The following NAP1L4 variants were observed in gnomAD, a reference collection of about 807,000 sequenced individuals.
NAP1L4 encodes the protein nucleosome assembly protein 1 like 4, also known as nucleosome assembly protein 1-like 4.
NAP1L4 carries 15 observed loss-of-function variants against 58.2 expected under a neutral mutation model. That is an observed-to-expected ratio of 0.26 (90% CI 0.17 to 0.40). The LOEUF (loss-of-function observed/expected upper bound fraction) is 0.40. Among genes scored for constraint, NAP1L4 ranks in the 10% least tolerant of loss-of-function variants. The pLI, the probability that NAP1L4 is intolerant of heterozygous loss-of-function variation, is 1.00. For synonymous variants in NAP1L4, 171 were observed against 155.6 expected (o/e 1.10, Z -0.74); for missense variants, 384 against 451.1 (o/e 0.85, Z 1.35).
At chr11:2,957,233 A>G (rs1350896870) in intron 10 of NAP1L4, among the ~76,000 whole-genome samples, 1 of 152,228 alleles carries the variant, frequency 6.6e-6, no homozygotes, top group Non-Finnish European at 1.5e-5. Context: ...GACAATCTCC[A>G]GTATGCCCAA....
chr11:2,947,374 C>T (rs975476430), intron 15 of NAP1L4, among the ~76,000 whole-genome samples: 4 of 152,204 alleles, frequency 2.6e-5, no homozygotes, highest in African/African-American at 7.2e-5. Context: ...CTCTCAAGAC[C>T]GGTGTCATGA....
intron 6 of NAP1L4, among the ~76,000 whole-genome samples, chr11:2,970,846 C>CTA: frequency 6.2e-5 from 3 of 48,740 alleles, no homozygotes; most frequent in Non-Finnish European, 1.0e-4. Flanking sequence ...TCATCATATA[C>CTA]CACCCCCCCC....
At chr11:2,960,762 T>C (rs1220638781) in intron 8 of NAP1L4, among the ~76,000 whole-genome samples, 2 of 152,248 alleles carry the variant, frequency 1.3e-5, no homozygotes, top group Non-Finnish European at 2.9e-5. Context: ...GAATTTGTTC[T>C]ATTTGAGAAA....
chr11:2,987,029 T>C (rs1848675370), intron 1 of NAP1L4, among the ~76,000 whole-genome samples: 1 of 152,118 alleles, frequency 6.6e-6, no homozygotes, highest in African/African-American at 2.4e-5. Context: ...TGGGCACAAG[T>C]TCAAATCCTC....
At chr11:2,956,982 T>C (rs186525316) in intron 10 of NAP1L4, among the ~76,000 whole-genome samples, 69 of 152,254 alleles carry the variant, frequency 4.5e-4, no homozygotes, top group Middle Eastern at 3.4e-3. Context: ...TTACATACCA[T>C]TAAAAGGCAT....
At position 2,959,990 on chromosome 11, in the gene NAP1L4, C is replaced by A. The variant is rs1846765832; in HGVS notation, c.607-81G>T. ...GATTGCTTGGAGTACACAACACTTACTAGAAGCTATTTTGGGAAAGCTCAA... is the reference window on the plus strand; with the variant it reads ...GATTGCTTGGAGTACACAACACTTAATAGAAGCTATTTTGGGAAAGCTCAA... On this transcript the variant is annotated intron_variant, in intron 8 of 15. Coordinates refer to ENST00000380542, the MANE Select transcript of NAP1L4 (RefSeq NM_005969.4). This position sits in a 1 kb window ranked among gnomAD's most constrained non-coding sequence, Gnocchi z 4.9. 7.0e-7 allele frequency: 1 copy of A among 1,424,856 alleles called. No individual in the cohort carries two copies. The highest frequency in any genetic ancestry group is 1.3e-5 in the South Asian group (1 of 78,422). 88.3% of individuals were successfully genotyped at this position (1,424,856 alleles called of 1,614,324 possible). A position where few individuals can be genotyped will look rare whatever the true frequency, so the allele number is the denominator to read the frequency against.
intron 4 of NAP1L4, among the ~76,000 whole-genome samples, chr11:2,975,650 T>C (rs1847911312): frequency 6.6e-6 from 1 of 152,086 alleles, no homozygotes; most frequent in Non-Finnish European, 1.5e-5. Flanking sequence ...GCCCAGTTTT[T>C]TTTTTTTAAG....
rs1226505611 is a variant in NAP1L4 at position 2,969,878 on chromosome 11, C to T, written c.459G>A (p.Glu153=). 3 of 1,613,738 alleles carry T rather than the reference C, an allele frequency of 1.9e-6. No homozygotes were observed. Among genetic ancestry groups the T allele is most frequent in the Non-Finnish European group, 1.7e-6 (2 of 1,179,842 alleles). The change falls in exon 7 of 16, where the codon GAG becomes GAA. Residue 153 remains glutamate (E), a synonymous_variant. Coordinates refer to ENST00000380542, the MANE Select transcript of NAP1L4 (RefSeq NM_005969.4). Reference sequence around the variant, plus strand: ...ACTCTGGAATTCCTTTGGGATCTGGCTCTTCAGCCGTTGCCGCTGCTTTTT... The same window carrying T: ...ACTCTGGAATTCCTTTGGGATCTGGTTCTTCAGCCGTTGCCGCTGCTTTTT... The part of the protein sequence containing the change: ...VTEKAAATAE[E]PDPKGIPEFW...
chr11:2,991,235 C>G (rs1406646610), intron 1 of NAP1L4: 1 of 432,460 alleles, frequency 2.3e-6, no homozygotes, highest in East Asian at 7.2e-5. Context: ...CCTCCTGCCC[C>G]GCAATCAGAC....
intron 7 of NAP1L4, among the ~76,000 whole-genome samples, chr11:2,967,536 A>G (rs991056513): frequency 9.2e-5 from 14 of 151,582 alleles, no homozygotes; most frequent in African/African-American, 2.2e-4. Flanking sequence ...GCGTGAACCC[A>G]GGAGGTGGAG....
At chr11:2,950,510 T>C (rs1014329398) in intron 14 of NAP1L4, among the ~76,000 whole-genome samples, 7 of 152,244 alleles carry the variant, frequency 4.6e-5, no homozygotes, top group South Asian at 2.1e-4. Flanking sequence ...CAGGTAACGT[T>C]AGTATTCTGA....
At chr11:2,970,295 T>C (rs1456030136) in intron 6 of NAP1L4, among the ~76,000 whole-genome samples, 1 of 151,906 alleles carries the variant, frequency 6.6e-6, no homozygotes, top group Non-Finnish European at 1.5e-5. Context: ...ACATCAACCT[T>C]AAGGAGATGC....
rs182479767 is a variant in NAP1L4, at chr11:2,965,446, T to C, written c.535-695A>G. Among the ~76,000 whole-genome samples the C allele has an allele frequency of 1.7e-3, 259 of 152,300 alleles. 1 individual carries two copies. The highest frequency in any genetic ancestry group is 2.8e-3 in the Non-Finnish European group (191 of 68,030). On this transcript the variant is annotated intron_variant, in intron 7 of 15. Transcript: ENST00000380542. ...ACACAGAGAAGGTACAGTAAGAATATGGTATCATAATCTTACAGGACCGCC... is the reference window on the plus strand; with the variant it reads ...ACACAGAGAAGGTACAGTAAGAATACGGTATCATAATCTTACAGGACCGCC...
intron 8 of NAP1L4, among the ~76,000 whole-genome samples, chr11:2,961,254 G>T (rs71476697): frequency 1.1e-4 from 17 of 152,224 alleles, no homozygotes; most frequent in Non-Finnish European, 2.9e-5. Context: ...GGCGGGGCAT[G>T]AGGGCTTAGG....
intron 1 of NAP1L4, among the ~76,000 whole-genome samples, chr11:2,982,106 T>G (rs1169078942): frequency 6.6e-6 from 1 of 152,202 alleles, no homozygotes; most frequent in Non-Finnish European, 1.5e-5. Flanking sequence ...TTTTTTCTGT[T>G]ATATACCTTT....
intron 8 of NAP1L4, 111 bp from the exon 9 acceptor site, chr11:2,960,020 T>TAGGG (rs1224684477): frequency 8.7e-7 from 1 of 1,143,034 alleles, no homozygotes; most frequent in African/African-American, 1.6e-5. Flanking sequence ...GCTCAACAGA[T>TAGGG]AGGGCCATGA....
chr11:2,986,997 C>T (rs1848673297), intron 1 of NAP1L4, among the ~76,000 whole-genome samples: 1 of 152,124 alleles, frequency 6.6e-6, no homozygotes, highest in Admixed American at 6.5e-5. Context: ...CATTCTCAAT[C>T]CAAGAGAGTC....
chr11:2,945,994 C>T (rs1370118387), intron 15 of NAP1L4, among the ~76,000 whole-genome samples: 4 of 152,282 alleles, frequency 2.6e-5, no homozygotes, highest in South Asian at 2.1e-4. Context: ...GAGCACAGTG[C>T]GCTCAACACG....
At chr11:2,989,688 G>C (rs1157062235) in intron 1 of NAP1L4, among the ~76,000 whole-genome samples, 1 of 152,180 alleles carries the variant, frequency 6.6e-6, no homozygotes, top group Non-Finnish European at 1.5e-5. Flanking sequence ...ACTTAGCTGC[G>C]AATAGCTAAC....
Sources: allele counts gnomAD v4.1 joint callset (sites outside exome capture counted in the v4.1 genomes callset), GRCh38; gene constraint gnomAD v4.1.1; non-coding constraint Gnocchi (gnomAD v3.1); transcripts MANE v1.5; gene names NCBI Gene and HGNC (gene_info 2026-07-23, HGNC 2026-07-21).